The following DMD variants were observed in gnomAD, a reference collection of about 807,000 sequenced individuals.
DMD encodes the protein mutant dystrophin.
DMD carries 63 observed loss-of-function variants against 330.1 expected under a neutral mutation model. The observed-to-expected ratio is 0.19, with a 90% CI of 0.16 to 0.24. DMD has a LOEUF of 0.24. DMD is among the 10% of genes least tolerant of loss of function. DMD has a pLI of 1.00. For missense variants in DMD, 3,344 were observed against 2,684.1 expected (o/e 1.25, Z -5.43); for synonymous variants, 1,223 against 959.8 (o/e 1.27, Z -5.07).
intron 7 of DMD, among the ~76,000 whole-genome samples, chrX:32,722,316 A>G (rs2066411739): frequency 9.0e-6 from 1 of 111,325 alleles, no homozygotes; most frequent in African/African-American, 3.3e-5. Context: ...TATTAATACA[A>G]GTAAAAATAA....
chrX:32,935,570 G>A (rs771733172), intron 2 of DMD, among the ~76,000 whole-genome samples: 1 of 111,900 alleles, frequency 8.9e-6, no homozygotes, highest in East Asian at 2.8e-4. Flanking sequence ...GAACACTGTA[G>A]CTACGAATGT....
At chrX:32,284,273 C>A (rs779682313) in intron 43 of DMD, among the ~76,000 whole-genome samples, 1 of 111,502 alleles carries the variant, frequency 9.0e-6, no homozygotes, top group Admixed American at 9.5e-5. Context: ...TGACTTATTC[C>A]CCATTCTTAG....
intron 47 of DMD, among the ~76,000 whole-genome samples, chrX:31,887,781 C>A (rs755221862): frequency 8.9e-6 from 1 of 111,857 alleles, no homozygotes; most frequent in African/African-American, 3.2e-5. Flanking sequence ...TGTCTCTCCC[C>A]AAAAGCTAGA....
chrX:33,014,751 A>G (rs1222892370), intron 2 of DMD, among the ~76,000 whole-genome samples: 2 of 108,392 alleles, frequency 1.8e-5, no homozygotes, highest in South Asian at 7.5e-4. Flanking sequence ...AAAAAAATTC[A>G]TAAATATATG....
intron 50 of DMD, among the ~76,000 whole-genome samples, chrX:31,797,443 C>G (rs752825474): frequency 4.5e-5 from 5 of 111,380 alleles, no homozygotes; most frequent in Admixed American, 2.9e-4. Flanking sequence ...ATTACAGAAC[C>G]CTAGCAAAGG....
intron 9 of DMD, among the ~76,000 whole-genome samples, chrX:32,657,859 CTTAT>C (rs1569412953): frequency 1.8e-5 from 2 of 111,304 alleles, no homozygotes; most frequent in African/African-American, 6.5e-5. Context: ...AACACCAAGT[CTTAT>C]TTATTTTAAT....
At chrX:32,914,108 C>A (rs1016410727) in intron 2 of DMD, among the ~76,000 whole-genome samples, 10 of 111,557 alleles carry the variant, frequency 9.0e-5, no homozygotes, top group African/African-American at 2.9e-4. Flanking sequence ...ACAATCCAAA[C>A]GAGATTCTTT....
chrX:33,009,063 TAC>T (rs750542041), intron 2 of DMD, among the ~76,000 whole-genome samples: 850 of 76,113 alleles, frequency 0.011, 23 homozygotes, highest in African/African-American at 0.034. Flanking sequence ...TCTATATGCA[TAC>T]ACACATATAC....
rs201474487 is a variant in DMD, at chrX:32,888,243, C to T, written c.94-38423G>A. 2.5e-4 allele frequency among the ~76,000 whole-genome samples: 27 copies of T among 109,991 alleles called. No homozygotes were observed. The East Asian group carries it at 7.1e-3, about 29-fold the overall frequency. On this transcript the variant is annotated intron_variant, in intron 2 of 78. Transcript: ENST00000357033. ...TGGTGGTTTGCTGCATCTATCAACC[C>T]GTCATCTAGGTTTTAAGTCCTGTGT...
intron 19 of DMD, among the ~76,000 whole-genome samples, chrX:32,498,338 A>G (rs1475903474): frequency 8.9e-6 from 1 of 112,079 alleles, no homozygotes; most frequent in Non-Finnish European, 1.9e-5. Context: ...GTTAGTTCAA[A>G]CAAAAAATAC....
intron 44 of DMD, among the ~76,000 whole-genome samples, chrX:32,187,773 T>A (rs1005679152): frequency 3.6e-5 from 4 of 111,352 alleles, no homozygotes; most frequent in South Asian, 3.7e-4. Flanking sequence ...CAGAATTATT[T>A]TTTTTTTCTT....
intron 9 of DMD, among the ~76,000 whole-genome samples, chrX:32,646,656 C>T (rs2059803589): frequency 9.0e-6 from 1 of 111,233 alleles, no homozygotes; most frequent in African/African-American, 3.3e-5. Context: ...GGGAATTAAC[C>T]CACTAAGCTG....
chrX:31,260,643 GA>G (rs201879490), intron 63 of DMD, among the ~76,000 whole-genome samples: 1,977 of 102,805 alleles, frequency 0.019, 33 homozygotes, highest in African/African-American at 0.062. Flanking sequence ...TTCGTGGGAA[GA>G]AAAAAAAAAA....
chrX:32,974,770 A>G (rs1171190649), intron 2 of DMD, among the ~76,000 whole-genome samples: 1 of 111,727 alleles, frequency 9.0e-6, no homozygotes, highest in Non-Finnish European at 1.9e-5. Context: ...CTACCAGGAG[A>G]AAGGCTGTGA....
At chrX:32,044,935 G>T (rs2096051663) in intron 44 of DMD, among the ~76,000 whole-genome samples, 1 of 111,754 alleles carries the variant, frequency 8.9e-6, no homozygotes, top group African/African-American at 3.3e-5. Flanking sequence ...ATATAGTTTG[G>T]ATATTTGCCG....
intron 1 of DMD, among the ~76,000 whole-genome samples, chrX:33,203,274 T>C (rs896193874): frequency 8.9e-6 from 1 of 112,151 alleles, no homozygotes; most frequent in Non-Finnish European, 1.9e-5. Context: ...TACTCAACAA[T>C]TCTGACTGAG....
intron 63 of DMD, among the ~76,000 whole-genome samples, chrX:31,252,742 G>A (rs1473754190): frequency 2.7e-5 from 3 of 112,352 alleles, no homozygotes; most frequent in Non-Finnish European, 5.6e-5. Flanking sequence ...GGCTAGGAGC[G>A]GTGGCTCACG....
chrX:31,835,925 C>T (rs999210874), intron 49 of DMD, among the ~76,000 whole-genome samples: 4 of 111,880 alleles, frequency 3.6e-5, no homozygotes, highest in Non-Finnish European at 7.5e-5. Context: ...GCCATGATTA[C>T]AGGATCTCAG....
chrX:33,062,265 C>A (rs1260474856), intron 1 of DMD, among the ~76,000 whole-genome samples: 4 of 111,511 alleles, frequency 3.6e-5, no homozygotes, highest in African/African-American at 1.3e-4. Context: ...GAATAATCAT[C>A]TTTGGCAATA....
Sources: gnomAD v4.1 joint callset for allele counts (sites outside exome capture counted in the v4.1 genomes callset) on GRCh38, gnomAD v4.1.1 for gene constraint, MANE v1.5 for transcripts, NCBI Gene and HGNC (gene_info 2026-07-23, HGNC 2026-07-21) for gene names.